Variants in SYTL3 observed in about 807,000 individuals in gnomAD.
SYTL3 encodes synaptotagmin like 3.
Under a neutral mutation model 82.1 loss-of-function variants are expected in SYTL3, and 88 were observed. The observed-to-expected ratio is 1.07, with a 90% CI of 0.90 to 1.28. SYTL3 has a LOEUF of 1.28. SYTL3 is among the 50% of genes most tolerant of loss of function. SYTL3 has a pLI of 0.00. For synonymous variants in SYTL3, 311 were observed against 289.4 expected, an observed-to-expected ratio of 1.07 and a Z score of -0.76; for missense variants, 831 against 757.6, an observed-to-expected ratio of 1.10 and a Z score of -1.14.
At chr6:158,696,675 A>G (rs933222567) in intron 6 of SYTL3, among the ~76,000 whole-genome samples, 1 of 151,920 alleles carries the variant, frequency 6.6e-6, no homozygotes, top group Non-Finnish European at 1.5e-5. Flanking sequence ...AGAAATGTCT[A>G]TTCAAGTTCT....
At chr6:158,726,717 C>T in intron 11 of SYTL3, 1 of 263,132 alleles carries the variant, frequency 3.8e-6, no homozygotes, top group Admixed American at 4.3e-5. Context: ...TCCCCAGCAT[C>T]TAATTTCCCA....
chr6:158,763,176 C>G, intron 16 of SYTL3, 128 bp from the exon 17 acceptor site: 1 of 848,536 alleles, frequency 1.2e-6, no homozygotes, highest in Non-Finnish European at 1.9e-6. Flanking sequence ...CCCTGCTTCA[C>G]TGGGGAGGGT....
At chr6:158,652,247 TTTA>T (rs1182900872) in intron 2 of SYTL3, among the ~76,000 whole-genome samples, 2 of 150,180 alleles carry the variant, frequency 1.3e-5, no homozygotes, top group Non-Finnish European at 3.0e-5. Flanking sequence ...ATTTACTTAT[TTTA>T]TTATTATTAT....
intron 6 of SYTL3, among the ~76,000 whole-genome samples, chr6:158,695,398 C>G (rs1780453561): frequency 6.6e-6 from 1 of 152,102 alleles, no homozygotes; most frequent in South Asian, 2.1e-4. Flanking sequence ...ACTCATTAGA[C>G]TAGTTTTTAG....
At chr6:158,714,689 T>C (rs1783158689) in intron 9 of SYTL3, among the ~76,000 whole-genome samples, 1 of 152,320 alleles carries the variant, frequency 6.6e-6, no homozygotes, top group African/African-American at 2.4e-5. Flanking sequence ...GTTTAGAAAA[T>C]GTCCTTAGTG....
chr6:158,700,615 T>C (rs1168097991), intron 6 of SYTL3, among the ~76,000 whole-genome samples: 2 of 152,066 alleles, frequency 1.3e-5, no homozygotes, highest in Non-Finnish European at 2.9e-5. Context: ...GTTGTATGTA[T>C]GTATGTATGT....
Position 158,752,493 on chromosome 6 carries a change from A to T in SYTL3, c.1137+463A>T, listed in dbSNP as rs540778773. ...GGTTTCTTCTAATTTTATTTTTTTT[A>T]AATGAATCCTTTTATGAAAAATCTT... On this transcript the variant is annotated intron_variant, in intron 13 of 17. Transcript: ENST00000611299. Among the ~76,000 whole-genome samples, 3 of 152,286 alleles carry T rather than the reference A, an allele frequency of 2.0e-5. No homozygotes were observed. The East Asian group carries it at 5.8e-4, about 29-fold the overall frequency.
chr6:158,668,697 T>G (rs1777012781), intron 5 of SYTL3, among the ~76,000 whole-genome samples: 1 of 152,102 alleles, frequency 6.6e-6, no homozygotes, highest in Non-Finnish European at 1.5e-5. Context: ...TGAGAGTTGC[T>G]GCAGTGAATG....
chr6:158,746,681 G>C (rs543098045), intron 12 of SYTL3, among the ~76,000 whole-genome samples: 105 of 151,804 alleles, frequency 6.9e-4, no homozygotes, highest in Non-Finnish European at 1.3e-3. Flanking sequence ...GGCCAGGCTG[G>C]TCTCGAATTC....
At chr6:158,761,362 G>A (rs1322228936) in intron 15 of SYTL3, among the ~76,000 whole-genome samples, 6 of 144,918 alleles carry the variant, frequency 4.1e-5, no homozygotes, top group Non-Finnish European at 6.0e-5. Flanking sequence ...GAGTGCAGTG[G>A]CCCGATCTTG....
chr6:158,693,858 T>TC (rs1780256433), intron 6 of SYTL3, among the ~76,000 whole-genome samples: 1 of 120,432 alleles, frequency 8.3e-6, no homozygotes, highest in Non-Finnish European at 1.6e-5. Flanking sequence ...TTCTTTTCTT[T>TC]TTTTTTTTTT....
intron 5 of SYTL3, among the ~76,000 whole-genome samples, chr6:158,672,216 G>A (rs755730264): frequency 1.7e-4 from 26 of 152,214 alleles, no homozygotes; most frequent in Admixed American, 4.6e-4. Context: ...GCTTGAACCC[G>A]GGAGGCGGAG....
chr6:158,760,703 G>A lies in SYTL3; in HGVS notation c.1372G>A (p.Val458Ile), dbSNP rs750948120. 4.3e-6 allele frequency: 7 copies of A among 1,614,158 alleles called. No homozygotes were observed. Among genetic ancestry groups the A allele is most frequent in the African/African-American group, 4.0e-5 (3 of 75,048 alleles). ...NGELTVRAKL[V>I]LPSRPRKLQE... ...AGAGCTCACAGTCCGGGCTAAGCTG[G>A]TTCTCCCTTCACGGCCCAGAAAACT... is the stretch of plus-strand genomic sequence containing the variant. Residue 458 changes from valine to isoleucine, a missense_variant, in exon 15 of 18, where the codon GTT becomes ATT. Val to Ile is a conservative substitution (Grantham distance 29). Coordinates refer to ENST00000611299, the MANE Select transcript of SYTL3 (RefSeq NM_001242394.2).
rs1248912128 is a variant in SYTL3 at position 158,764,508 on chromosome 6, T to C, written c.1737T>C (p.Ala579=). 6.2e-7 allele frequency: 1 copy of C among 1,613,738 alleles called. No individual in the cohort carries two copies. The highest frequency in any genetic ancestry group is 1.1e-5 in the South Asian group (1 of 91,064). The part of the protein sequence containing the change: ...GTRLGSKGDT[A]VGGDACSLSK... ...CCTCTCTTACAGAGGGAGACACAGC[T>C]GTTGGCGGGGATGCATGCTCACTAT... The change falls in exon 18 of 18, where the codon GCT becomes GCC. Residue 579 remains alanine, a synonymous_variant. Transcript: ENST00000611299.
chr6:158,683,908 T>C (rs1385111132), intron 6 of SYTL3, among the ~76,000 whole-genome samples: 1 of 152,146 alleles, frequency 6.6e-6, no homozygotes, highest in African/African-American at 2.4e-5. Context: ...TGTCTTATAA[T>C]GAGATGTTGA....
chr6:158,665,231 G>A (rs1261157148), intron 4 of SYTL3, among the ~76,000 whole-genome samples, 164 bp from the exon 5 acceptor site: 2 of 152,158 alleles, frequency 1.3e-5, no homozygotes, highest in African/African-American at 4.8e-5. Context: ...TCGACTCTGA[G>A]ATGTTGAGTG....
In SYTL3 at chr6:158,763,483, T is replaced by G; in HGVS notation, c.1697T>G (p.Leu566Trp). The G allele has an allele frequency of 6.2e-7, 1 of 1,614,210 alleles. No individual in the cohort carries two copies. Among genetic ancestry groups the G allele is most frequent in the Non-Finnish European group, 8.5e-7 (1 of 1,180,024 alleles). The change falls in exon 17 of 18, where the codon TTG becomes TGG. Residue 566 changes from leucine to tryptophan, a missense_variant. Coordinates refer to ENST00000611299, the MANE Select transcript of SYTL3 (RefSeq NM_001242394.2). Reference protein sequence around the residue: ...DQALFGMNDRLLGGTRLGSKG... With the variant: ...DQALFGMNDRWLGGTRLGSKG... ...GCCCTCTTTGGAATGAACGACCGCT[T>G]GCTTGGAGGAACCAGACTTGGTTCA...
At chr6:158,739,281 T>C (rs1583436915) in intron 11 of SYTL3, among the ~76,000 whole-genome samples, 1 of 152,350 alleles carries the variant, frequency 6.6e-6, no homozygotes, top group African/African-American at 2.4e-5. Context: ...TGGTGGGCAG[T>C]AAAATGGTTA....
intron 2 of SYTL3, among the ~76,000 whole-genome samples, chr6:158,658,683 G>A (rs964987766): frequency 6.6e-6 from 1 of 152,166 alleles, no homozygotes; most frequent in Non-Finnish European, 1.5e-5. Context: ...CCAGCACTTT[G>A]GGAGGTCGAG....
Sources: allele counts gnomAD v4.1 joint callset (sites outside exome capture counted in the v4.1 genomes callset), GRCh38; gene constraint gnomAD v4.1.1; transcripts MANE v1.5; gene names NCBI Gene and HGNC (gene_info 2026-07-23, HGNC 2026-07-21).